The following AFF2 variants were observed in gnomAD, a reference collection of about 807,000 sequenced individuals.
AFF2 encodes AF4/FMR2 family member 2.
AFF2 carries 14 observed loss-of-function variants against 76.9 expected under a neutral mutation model. That is an observed-to-expected ratio of 0.18 (90% CI 0.12 to 0.28). The LOEUF is 0.28. AFF2 is among the 10% of genes least tolerant of loss of function. The pLI, the probability that AFF2 is intolerant of heterozygous loss-of-function variation, is 1.00. For synonymous variants in AFF2, 398 were observed against 366.7 expected, an observed-to-expected ratio of 1.09 and a Z score of -0.98; for missense variants, 868 against 1,001.1, an observed-to-expected ratio of 0.87 and a Z score of 1.79.
intron 8 of AFF2, among the ~76,000 whole-genome samples, chrX:148,889,934 G>C (rs1557279555): frequency 8.9e-6 from 1 of 112,001 alleles, no homozygotes; most frequent in African/African-American, 3.2e-5. Context: ...TTAGCACATA[G>C]TAAGTACTCA....
At chrX:148,812,921 C>T (rs782436269) in intron 4 of AFF2, among the ~76,000 whole-genome samples, 7 of 112,118 alleles carry the variant, frequency 6.2e-5, no homozygotes, top group Non-Finnish European at 1.3e-4. Flanking sequence ...TCTTTCTTTG[C>T]CCCCCTGGGC....
chrX:148,733,946 G>T (rs1391090921), intron 3 of AFF2, among the ~76,000 whole-genome samples: 4 of 112,295 alleles, frequency 3.6e-5, no homozygotes, highest in African/African-American at 1.3e-4. Context: ...TCCAACAATA[G>T]TGCCATTTAC....
At chrX:148,729,227 C>G (rs1344111362) in intron 3 of AFF2, among the ~76,000 whole-genome samples, 1 of 112,178 alleles carries the variant, frequency 8.9e-6, no homozygotes, top group Non-Finnish European at 1.9e-5. Context: ...CTTGGACTTA[C>G]ACAAAGCCTG....
intron 3 of AFF2, among the ~76,000 whole-genome samples, chrX:148,781,887 G>A (rs1183174257): frequency 2.7e-5 from 3 of 111,728 alleles, no homozygotes; most frequent in African/African-American, 6.5e-5. Flanking sequence ...GAAAAGCATA[G>A]TATCTGGGCT....
intron 3 of AFF2, among the ~76,000 whole-genome samples, chrX:148,689,452 G>A (rs1668931372): frequency 9.0e-6 from 1 of 110,685 alleles, no homozygotes; most frequent in African/African-American, 3.3e-5. Context: ...AGAAATGTTT[G>A]GAGTGGGATT....
At chrX:148,721,470 A>G (rs1293064268) in intron 3 of AFF2, among the ~76,000 whole-genome samples, 1 of 112,070 alleles carries the variant, frequency 8.9e-6, no homozygotes, top group African/African-American at 3.2e-5. Context: ...TGCGGATAAC[A>G]TGAAATAATA....
At chrX:148,585,880 C>T (rs1383741675) in intron 1 of AFF2, among the ~76,000 whole-genome samples, 2 of 107,224 alleles carry the variant, frequency 1.9e-5, no homozygotes, top group African/African-American at 3.4e-5. Flanking sequence ...ACTGAGTAAA[C>T]CAGTCTGATT....
intron 8 of AFF2, among the ~76,000 whole-genome samples, chrX:148,895,875 T>G (rs1445110491): frequency 9.0e-6 from 1 of 110,949 alleles, no homozygotes; most frequent in Non-Finnish European, 1.9e-5. Flanking sequence ...CATTCTTACC[T>G]CTCTAATATT....
intron 7 of AFF2, among the ~76,000 whole-genome samples, chrX:148,846,784 A>G (rs2070673047): frequency 8.9e-6 from 1 of 112,268 alleles, no homozygotes; most frequent in African/African-American, 3.2e-5. Context: ...TTGTATGTTT[A>G]CACAGTAATA....
intron 1 of AFF2, among the ~76,000 whole-genome samples, chrX:148,575,353 G>A (rs1557243273): frequency 9.0e-6 from 1 of 111,443 alleles, no homozygotes. Flanking sequence ...ACTGAATATT[G>A]AATGGCAATT....
chrX:148,971,747 C>CTTTTTTTTTTTTTTTTTTTTTATT (rs2072257860), intron 15 of AFF2, among the ~76,000 whole-genome samples: 7 of 44,730 alleles, frequency 1.6e-4, no homozygotes, highest in African/African-American at 4.7e-4. Context: ...TTTTCTATTT[C>CTTTTTTTTTTTTTTTTTTTTTATT]TTTTTTTTTT....
At chrX:148,908,517 CA>C (rs1206384575) in intron 9 of AFF2, among the ~76,000 whole-genome samples, 17 of 112,253 alleles carry the variant, frequency 1.5e-4, no homozygotes, top group African/African-American at 5.2e-4. Context: ...ACTCATGCCA[CA>C]TGTAAAAATG....
intron 3 of AFF2, among the ~76,000 whole-genome samples, chrX:148,694,951 G>A (rs2054699406): frequency 9.3e-6 from 1 of 107,950 alleles, no homozygotes; most frequent in African/African-American, 3.4e-5. Context: ...GAGTAGTGGG[G>A]ATTACAGGCG....
At chrX:148,948,339 G>A (rs1214055247) in intron 9 of AFF2, among the ~76,000 whole-genome samples, 1 of 111,729 alleles carries the variant, frequency 9.0e-6, no homozygotes, top group Non-Finnish European at 1.9e-5. Flanking sequence ...AGATTGGATT[G>A]CACAAATGCC....
intron 3 of AFF2, among the ~76,000 whole-genome samples, chrX:148,686,590 A>G (rs1382162634): frequency 4.5e-5 from 5 of 111,758 alleles, no homozygotes; most frequent in African/African-American, 1.6e-4. Flanking sequence ...TCTTTCAGTC[A>G]ATTTCCTCAA....
In AFF2 at chrX:148,832,443, C is replaced by T. The variant is rs150384083; in HGVS notation, c.1087-5204C>T. Among the ~76,000 whole-genome samples the T allele has an allele frequency of 2.6e-3, 290 of 112,256 alleles. 3 individuals carry two copies. In the East Asian group the frequency reaches 0.029, roughly 11 times the overall value. On this transcript the variant is annotated intron_variant, in intron 4 of 20. Coordinates refer to ENST00000370460, the MANE Select transcript of AFF2 (RefSeq NM_002025.4). ...AATACTTCCAAAATTGCATTTATTA[C>T]GTTCTTGGTATTTTAGTAGAGGGAA...
intron 3 of AFF2, among the ~76,000 whole-genome samples, chrX:148,740,997 G>T (rs902004368): frequency 8.9e-6 from 1 of 112,150 alleles, no homozygotes; most frequent in African/African-American, 3.2e-5. Context: ...CCTGTGATGT[G>T]AACTGTCTAT....
intron 1 of AFF2, among the ~76,000 whole-genome samples, chrX:148,558,671 A>C (rs2053078850): frequency 8.9e-6 from 1 of 112,098 alleles, no homozygotes; most frequent in Admixed American, 9.5e-5. Context: ...TAATGTAAAA[A>C]TTATAGCCTG....
chrX:148,862,230 T>C (rs2070855950), intron 7 of AFF2, among the ~76,000 whole-genome samples: 1 of 109,341 alleles, frequency 9.1e-6, no homozygotes, highest in South Asian at 3.9e-4. Context: ...TGAATGCTAG[T>C]ATTATTGAAA....
Sources: gnomAD v4.1 joint callset for allele counts (sites outside exome capture counted in the v4.1 genomes callset) on GRCh38, gnomAD v4.1.1 for gene constraint, MANE v1.5 for transcripts, NCBI Gene and HGNC (gene_info 2026-07-23, HGNC 2026-07-21) for gene names.